The following FMNL2 variants were observed in gnomAD, a reference collection of about 807,000 sequenced individuals.
FMNL2 encodes formin like 2.
FMNL2 carries 51 observed loss-of-function variants against 130.2 expected under a neutral mutation model. That is an observed-to-expected ratio of 0.39 (90% CI 0.31 to 0.49). The LOEUF (loss-of-function observed/expected upper bound fraction) is 0.49, where lower values mean the gene tolerates loss of function less well. Among genes scored for constraint, FMNL2 ranks in the 20% least tolerant of loss-of-function variants. FMNL2 has a pLI of 0.85. For missense variants in FMNL2, 977 were observed against 1,316.2 expected (o/e 0.74, Z 3.99); for synonymous variants, 465 against 467.1 (o/e 1.00, Z 0.06).
At chr2:152,528,612 G>A (rs1183776501) in intron 2 of FMNL2, among the ~76,000 whole-genome samples, 1 of 152,130 alleles carries the variant, frequency 6.6e-6, no homozygotes, top group Non-Finnish European at 1.5e-5. Context: ...ATCACATCTT[G>A]AGATCCTTAA....
chr2:152,537,585 CTT>C (rs2105472090), intron 2 of FMNL2, among the ~76,000 whole-genome samples: 1 of 152,226 alleles, frequency 6.6e-6, no homozygotes, highest in Admixed American at 6.5e-5. Context: ...CTTATAGTCT[CTT>C]TGTTTACTTT....
intron 25 of FMNL2, among the ~76,000 whole-genome samples, chr2:152,644,425 TTC>T (rs1683363240): frequency 6.6e-6 from 1 of 152,204 alleles, no homozygotes; most frequent in Non-Finnish European, 1.5e-5. Context: ...AATCAGGCCT[TTC>T]TTAACTCTCT....
intron 9 of FMNL2, among the ~76,000 whole-genome samples, chr2:152,602,644 C>G (rs1698137936): frequency 6.6e-6 from 1 of 152,168 alleles, no homozygotes; most frequent in Non-Finnish European, 1.5e-5. Context: ...AAGAATATAG[C>G]TTTTTTATTA....
intron 24 of FMNL2, 45 bp downstream of exon 24, chr2:152,640,101 G>A (rs183301502): frequency 6.1e-5 from 90 of 1,482,482 alleles, no homozygotes; most frequent in Admixed American, 2.9e-4. Flanking sequence ...AGGAGAGGCT[G>A]AGAGGGCTCT....
At chr2:152,505,945 A>AG (rs1692146349) in intron 1 of FMNL2, among the ~76,000 whole-genome samples, 1 of 152,194 alleles carries the variant, frequency 6.6e-6, no homozygotes, top group Non-Finnish European at 1.5e-5. Flanking sequence ...CCAGGACAGC[A>AG]GGCATTTTAG....
At chr2:152,588,815 G>T (rs1282983932) in intron 9 of FMNL2, among the ~76,000 whole-genome samples, 1 of 152,042 alleles carries the variant, frequency 6.6e-6, no homozygotes, top group East Asian at 1.9e-4. Flanking sequence ...ACAGCCTAAA[G>T]GGAGCAAATA....
chr2:152,412,115 T>G (rs974433642), intron 1 of FMNL2, among the ~76,000 whole-genome samples: 1 of 152,126 alleles, frequency 6.6e-6, no homozygotes, highest in Non-Finnish European at 1.5e-5. Flanking sequence ...TTATTTCCTT[T>G]CCTGTGTTAT....
chr2:152,403,913 C>CA (rs1685842315), intron 1 of FMNL2, among the ~76,000 whole-genome samples: 1 of 152,130 alleles, frequency 6.6e-6, no homozygotes, highest in Non-Finnish European at 1.5e-5. Flanking sequence ...ACTAAAAATG[C>CA]AAAAATTAGT....
At chr2:152,586,095 G>A (rs1200530933) in intron 9 of FMNL2, among the ~76,000 whole-genome samples, 1 of 152,058 alleles carries the variant, frequency 6.6e-6, no homozygotes, top group African/African-American at 2.4e-5. Flanking sequence ...TCAGGATTTC[G>A]GATCAATTAT....
intron 1 of FMNL2, among the ~76,000 whole-genome samples, chr2:152,375,766 T>G (rs1684117841): frequency 6.6e-6 from 1 of 151,822 alleles, no homozygotes; most frequent in Non-Finnish European, 1.5e-5. Flanking sequence ...GCCATTGCTT[T>G]GTTATGATTA....
intron 1 of FMNL2, among the ~76,000 whole-genome samples, chr2:152,493,694 A>G (rs978976343): frequency 6.6e-6 from 1 of 152,218 alleles, no homozygotes; most frequent in Non-Finnish European, 1.5e-5. Flanking sequence ...TGCACACAGC[A>G]GTTCCTCTTC....
At chr2:152,455,462 T>C (rs1335386713) in intron 1 of FMNL2, among the ~76,000 whole-genome samples, 1 of 152,152 alleles carries the variant, frequency 6.6e-6, no homozygotes, top group African/African-American at 2.4e-5. Flanking sequence ...AAAGCTCTTG[T>C]TTGAAATGGA....
chr2:152,605,154 C>G (rs1698294787), intron 9 of FMNL2, among the ~76,000 whole-genome samples: 1 of 152,032 alleles, frequency 6.6e-6, no homozygotes, highest in Admixed American at 6.6e-5. Context: ...ATGGTAACCC[C>G]TTAAATCTCT....
intron 3 of FMNL2, among the ~76,000 whole-genome samples, chr2:152,543,729 CAA>C (rs71394490): frequency 0.01 from 621 of 61,352 alleles, 5 homozygotes; most frequent in African/African-American, 0.039. Context: ...ACCCCCCGAC[CAA>C]AAAAAAAAAA....
intron 1 of FMNL2, among the ~76,000 whole-genome samples, chr2:152,453,232 T>G (rs1688749652): frequency 1.3e-5 from 2 of 150,292 alleles, no homozygotes; most frequent in African/African-American, 4.9e-5. Flanking sequence ...GGGGTGGGGA[T>G]TACAGAAAGA....
At chr2:152,631,237 T>C (rs754881218) in intron 20 of FMNL2, among the ~76,000 whole-genome samples, 1 of 150,692 alleles carries the variant, frequency 6.6e-6, no homozygotes, top group Non-Finnish European at 1.5e-5. Context: ...AATAGGAAAA[T>C]TAGCTGGGCT....
chr2:152,607,538 A>G (rs1004066145), intron 10 of FMNL2, 125 bp downstream of exon 10: 1 of 715,344 alleles, frequency 1.4e-6, no homozygotes, highest in South Asian at 1.8e-5. Flanking sequence ...GGGAATTGCA[A>G]TTAATATGCT....
intron 12 of FMNL2, among the ~76,000 whole-genome samples, chr2:152,615,653 A>T (rs1580104583): frequency 6.6e-6 from 1 of 152,180 alleles, no homozygotes; most frequent in African/African-American, 2.4e-5. Flanking sequence ...TTATTTGTTC[A>T]TTCATTAACC....
intron 1 of FMNL2, among the ~76,000 whole-genome samples, chr2:152,394,251 G>C (rs1243672907): frequency 1.3e-5 from 2 of 152,140 alleles, no homozygotes; most frequent in Non-Finnish European, 2.9e-5. Flanking sequence ...TAGCTTCGGA[G>C]ACAATGTTTT....
Sources: allele counts gnomAD v4.1 joint callset (sites outside exome capture counted in the v4.1 genomes callset), GRCh38; gene constraint gnomAD v4.1.1; transcripts MANE v1.5; gene names NCBI Gene and HGNC (gene_info 2026-07-23, HGNC 2026-07-21).